The following C1QTNF7 variants were observed in gnomAD, a reference collection of about 807,000 sequenced individuals.
C1QTNF7 encodes complement C1q tumor necrosis factor-related protein 7.
Under a neutral mutation model 19.6 loss-of-function variants are expected in C1QTNF7, and 15 were observed. The observed-to-expected ratio is 0.76, with a 90% confidence interval of 0.51 to 1.18. C1QTNF7 has a LOEUF of 1.18. Ranked by LOEUF, C1QTNF7 falls within the 50% of genes most tolerant of loss-of-function variation. C1QTNF7 has a pLI of 0.00. For synonymous variants in C1QTNF7, 142 were observed against 137.5 expected (o/e 1.03, Z -0.23); for missense variants, 324 against 359.7 (o/e 0.90, Z 0.80).
At chr4:15,378,490 T>G (rs1449394450) in intron 1 of C1QTNF7, among the ~76,000 whole-genome samples, 1 of 152,254 alleles carries the variant, frequency 6.6e-6, no homozygotes, top group Non-Finnish European at 1.5e-5. Context: ...CATTCAATGT[T>G]CTGGGCTTTT....
intron 1 of C1QTNF7, among the ~76,000 whole-genome samples, chr4:15,422,214 A>ATTT (rs1277470846): frequency 4.0e-5 from 6 of 149,682 alleles, no homozygotes; most frequent in East Asian, 1.9e-4. Context: ...TTTTTTTAAA[A>ATTT]AAAAAAAAAA....
At chr4:15,386,242 A>G (rs1181746308) in intron 1 of C1QTNF7, among the ~76,000 whole-genome samples, 2 of 152,214 alleles carry the variant, frequency 1.3e-5, no homozygotes, top group East Asian at 3.9e-4. Context: ...TCTCTCATGC[A>G]TGGAGCTTTT....
intron 1 of C1QTNF7, among the ~76,000 whole-genome samples, chr4:15,353,218 G>C (rs1716995699): frequency 6.6e-6 from 1 of 152,088 alleles, no homozygotes; most frequent in South Asian, 2.1e-4. Flanking sequence ...AAAAGCCAGT[G>C]ACATTTTGTG....
chr4:15,348,078 T>C (rs562136212), intron 1 of C1QTNF7, among the ~76,000 whole-genome samples: 9 of 152,286 alleles, frequency 5.9e-5, no homozygotes, highest in African/African-American at 2.2e-4. Context: ...TAGAAGATAG[T>C]TACTTTAGGA....
intron 1 of C1QTNF7, among the ~76,000 whole-genome samples, chr4:15,415,636 T>C (rs1719578724): frequency 6.6e-6 from 1 of 151,464 alleles, no homozygotes; most frequent in African/African-American, 2.4e-5. Context: ...TATATATATA[T>C]ATTAGAGATG....
chr4:15,372,308 T>G (rs1187216048), intron 1 of C1QTNF7, among the ~76,000 whole-genome samples: 1 of 152,116 alleles, frequency 6.6e-6, no homozygotes, highest in Non-Finnish European at 1.5e-5. Flanking sequence ...CCAATAGGAC[T>G]ATGGTCTCTT....
chr4:15,412,091 G>A (rs1577266331), intron 1 of C1QTNF7, among the ~76,000 whole-genome samples: 1 of 152,202 alleles, frequency 6.6e-6, no homozygotes, highest in African/African-American at 2.4e-5. Context: ...GTATGAGAGG[G>A]ATCTAGGTTG....
chr4:15,341,831 T>C (rs1716550945), intron 1 of C1QTNF7, among the ~76,000 whole-genome samples: 2 of 152,170 alleles, frequency 1.3e-5, no homozygotes, highest in Admixed American at 6.5e-5. Flanking sequence ...AGCGTTTGCA[T>C]GGCGCCTGAG....
intron 2 of C1QTNF7, among the ~76,000 whole-genome samples, chr4:15,437,402 A>C (rs757007666): frequency 7.9e-5 from 12 of 152,148 alleles, no homozygotes; most frequent in Non-Finnish European, 1.3e-4. Flanking sequence ...CCACAGGATA[A>C]CTGCCATGTG....
Position 15,442,802 on chromosome 4 carries a change from AG to A in C1QTNF7, c.*5del. 6.3e-7 allele frequency: 1 copy of A among 1,595,726 alleles called. No homozygotes were observed. ...TATCAGAAGATGATGAATTGTGATC[AG>A]GACCAAGATCCCTGTGGTAAACACT... On this transcript the variant is annotated 3_prime_UTR_variant, in exon 3 of 3. Coordinates refer to ENST00000444304, the MANE Select transcript of C1QTNF7 (RefSeq NM_031911.5).
At chr4:15,424,840 A>G (rs1047406121), upstream of C1QTNF7, among the ~76,000 whole-genome samples, 1 of 152,188 alleles carries the variant, frequency 6.6e-6, no homozygotes, top group Non-Finnish European at 1.5e-5. Context: ...TTGGTTGCCT[A>G]TCATTCTCTG....
At chr4:15,428,298 C>G (rs1712145180) in intron 1 of C1QTNF7, among the ~76,000 whole-genome samples, 192 bp downstream of exon 1, 1 of 152,078 alleles carries the variant, frequency 6.6e-6, no homozygotes, top group African/African-American at 2.4e-5. Flanking sequence ...CTTCTCAGGA[C>G]CTTGGTTCCC....
chr4:15,408,050 T>C (rs1302623044), intron 1 of C1QTNF7, among the ~76,000 whole-genome samples: 2 of 151,868 alleles, frequency 1.3e-5, no homozygotes, highest in Non-Finnish European at 2.9e-5. Flanking sequence ...AGGCGGATCA[T>C]GAGGTCAGGA....
At chr4:15,341,642 C>T (rs1459236052) in intron 1 of C1QTNF7, among the ~76,000 whole-genome samples, 2 of 152,168 alleles carry the variant, frequency 1.3e-5, no homozygotes, top group Non-Finnish European at 2.9e-5. Flanking sequence ...TCTGTCTACA[C>T]CAGCCTATAG....
chr4:15,402,755 A>G (rs1395565249), intron 1 of C1QTNF7, among the ~76,000 whole-genome samples: 10 of 152,174 alleles, frequency 6.6e-5, no homozygotes, highest in African/African-American at 2.4e-4. Context: ...AAGTTCAGCA[A>G]TTCCTTCAGT....
intron 1 of C1QTNF7, among the ~76,000 whole-genome samples, chr4:15,402,066 A>G (rs1298269788): frequency 6.6e-6 from 1 of 152,242 alleles, no homozygotes; most frequent in Non-Finnish European, 1.5e-5. Context: ...CAGGAAAAAT[A>G]AGCAAGATTG....
chr4:15,404,685 C>G (rs1028340323), intron 1 of C1QTNF7, among the ~76,000 whole-genome samples: 6 of 152,130 alleles, frequency 3.9e-5, no homozygotes, highest in African/African-American at 1.4e-4. Flanking sequence ...GCGGCATAGT[C>G]AGAGCAGGTT....
intron 1 of C1QTNF7, among the ~76,000 whole-genome samples, chr4:15,360,106 T>C (rs1326919773): frequency 6.6e-6 from 1 of 152,142 alleles, no homozygotes; most frequent in South Asian, 2.1e-4. Flanking sequence ...CACTGTTCTA[T>C]CCACAGAAAA....
intron 2 of C1QTNF7, 27 bp from the exon 3 acceptor site, chr4:15,442,141 T>G (rs1187277802): frequency 1.3e-6 from 2 of 1,557,024 alleles, no homozygotes; most frequent in East Asian, 2.2e-5. Flanking sequence ...GAGGAACTAT[T>G]AATCAAACTA....
Sources: allele counts gnomAD v4.1 joint callset (sites outside exome capture counted in the v4.1 genomes callset), GRCh38; gene constraint gnomAD v4.1.1; transcripts MANE v1.5; gene names NCBI Gene and HGNC (gene_info 2026-07-23, HGNC 2026-07-21).